The following HDAC9 variants were observed in gnomAD, a reference collection of about 807,000 sequenced individuals.
The protein encoded by HDAC9 is histone deacetylase 9, also known as MEF-2 interacting transcription repressor (MITR) protein.
Under a neutral mutation model 139.4 loss-of-function variants are expected in HDAC9, and 41 were observed. That is an observed-to-expected ratio of 0.29 (90% CI 0.23 to 0.38). The LOEUF is 0.38. Ranked by LOEUF, HDAC9 falls within the 10% of genes least tolerant of loss-of-function variation. The probability of loss-of-function intolerance (pLI) is 1.00; values close to 1 mark genes in which losing one functional copy is unlikely to be tolerated. For missense variants in HDAC9, 1,147 were observed against 1,297.0 expected, an observed-to-expected ratio of 0.88 and a Z score of 1.78; for synonymous variants, 517 against 476.2, an observed-to-expected ratio of 1.09 and a Z score of -1.12.
chr7:18,356,344 AG>A (rs1783270650), intron 1 of HDAC9, among the ~76,000 whole-genome samples: 1 of 128,016 alleles, frequency 7.8e-6, no homozygotes, highest in East Asian at 2.4e-4. Context: ...TAGCCTCTAG[AG>A]GGCAGCACAT....
intron 21 of HDAC9, among the ~76,000 whole-genome samples, chr7:18,837,182 C>T (rs994391697): frequency 6.6e-6 from 1 of 151,306 alleles, no homozygotes; most frequent in Non-Finnish European, 1.5e-5. Context: ...GAAAATTCTA[C>T]CCACATTCTG....
intron 2 of HDAC9, among the ~76,000 whole-genome samples, chr7:18,241,061 G>A (rs1429399406): frequency 6.6e-6 from 1 of 152,276 alleles, no homozygotes; most frequent in East Asian, 1.9e-4. Flanking sequence ...GGGGATTAGG[G>A]CTTCCCAGGT....
intron 2 of HDAC9, among the ~76,000 whole-genome samples, chr7:18,510,835 TTA>T (rs1460049729): frequency 3.3e-5 from 5 of 152,122 alleles, no homozygotes; most frequent in African/African-American, 1.2e-4. Flanking sequence ...AAAATTATCT[TTA>T]TGTGTATGTG....
At chr7:18,229,980 A>G (rs1472161689) in intron 2 of HDAC9, among the ~76,000 whole-genome samples, 2 of 152,206 alleles carry the variant, frequency 1.3e-5, no homozygotes, top group African/African-American at 4.8e-5. Context: ...CTTAAATAAG[A>G]GAGAGAAAAA....
At chr7:18,652,297 C>T (rs1789535918) in intron 11 of HDAC9, among the ~76,000 whole-genome samples, 1 of 151,992 alleles carries the variant, frequency 6.6e-6, no homozygotes. Context: ...TAAAGTAGAA[C>T]TTCCCTCAAA....
intron 2 of HDAC9, among the ~76,000 whole-genome samples, chr7:18,504,575 A>G (rs801759): frequency 0.67 from 102,078 of 152,218 alleles, 34,405 homozygotes; most frequent in Admixed American, 0.73. Context: ...AAACTGCTGG[A>G]ATTATAGGCA....
chr7:18,845,916 T>G (rs1397400505), intron 21 of HDAC9, among the ~76,000 whole-genome samples: 1 of 152,078 alleles, frequency 6.6e-6, no homozygotes. Context: ...TGGAGTCACG[T>G]GCACTGTGGT....
chr7:18,466,535 G>A (rs908359053), intron 1 of HDAC9, among the ~76,000 whole-genome samples: 2 of 152,074 alleles, frequency 1.3e-5, no homozygotes, highest in African/African-American at 4.8e-5. Flanking sequence ...GTAATATTGG[G>A]TAGACGTCCT....
intron 1 of HDAC9, among the ~76,000 whole-genome samples, chr7:18,352,425 G>A (rs2128675719): frequency 6.6e-6 from 1 of 152,244 alleles, no homozygotes; most frequent in Admixed American, 6.5e-5. Flanking sequence ...GACTAAAATT[G>A]CAATGAAGAT....
At chr7:18,810,744 A>AG (rs1794109673) in intron 17 of HDAC9, among the ~76,000 whole-genome samples, 2 of 151,996 alleles carry the variant, frequency 1.3e-5, no homozygotes, top group South Asian at 4.1e-4. Flanking sequence ...CCTATTATAG[A>AG]ACTTTATATA....
Position 18,666,282 on chromosome 7 carries a change from C to G in HDAC9, c.1537C>G (p.Gln513Glu), listed in dbSNP as rs1460453950. Residue 513 changes from glutamine to glutamate, a missense_variant, in exon 12 of 26, where the codon CAG becomes GAG. Gln to Glu is a conservative substitution (Grantham distance 29, BLOSUM62 2). Coordinates refer to ENST00000686413, the MANE Select transcript of HDAC9 (RefSeq NM_178425.4). ...SHLEEAEEEL[Q>E]GDQAMQEDRA... is the part of the protein sequence containing the mutation. The stretch of plus-strand genomic sequence containing the variant: ...CCTTGAGGAAGCAGAGGAAGAGCTT[C>G]AGGGGGACCAGGCGATGCAGGAAGA... The G allele has an allele frequency of 6.2e-7, 1 of 1,613,454 alleles. No homozygotes were observed.
chr7:18,998,164 G>C lies in HDAC9; in HGVS notation c.*2102G>C, dbSNP rs1376169424. On this transcript the variant is annotated 3_prime_UTR_variant, in exon 26 of 26. Transcript: ENST00000686413. ...TCATGTTTTAATTAGAAAAATAATT[G>C]TGTAGTTTTAAAATCAACTTCATAA... The C allele has an allele frequency of 6.6e-6, 1 of 152,116 alleles. No individual in the cohort carries two copies. Among genetic ancestry groups the C allele is most frequent in the Non-Finnish European group, 1.5e-5 (1 of 67,996 alleles). 9.4% of individuals were successfully genotyped at this position (152,116 alleles called of 1,614,324 possible). A position where few individuals can be genotyped will look rare whatever the true frequency, so the allele number is the denominator to read the frequency against.
chr7:18,813,525 CATTT>C (rs1426213322), intron 17 of HDAC9, among the ~76,000 whole-genome samples: 3 of 152,028 alleles, frequency 2.0e-5, no homozygotes, highest in South Asian at 4.1e-4. Context: ...AACAGGGGCA[CATTT>C]ATTTATTTAT....
At chr7:18,636,165 C>G (rs550392135) in intron 8 of HDAC9, among the ~76,000 whole-genome samples, 1 of 151,950 alleles carries the variant, frequency 6.6e-6, no homozygotes, top group Admixed American at 6.6e-5. Context: ...GAAGATAAAG[C>G]CTAGTACCAA....
intron 22 of HDAC9, among the ~76,000 whole-genome samples, chr7:18,904,848 T>G (rs967258117): frequency 6.6e-6 from 1 of 152,020 alleles, no homozygotes; most frequent in South Asian, 2.1e-4. Flanking sequence ...GTGCTGGGAT[T>G]ACAGGCATGA....
intron 2 of HDAC9, among the ~76,000 whole-genome samples, chr7:18,240,300 A>G (rs1366651118): frequency 6.6e-6 from 1 of 151,400 alleles, no homozygotes; most frequent in Non-Finnish European, 1.5e-5. Flanking sequence ...GTAATTTGGG[A>G]TATTTTCTAC....
chr7:18,527,167 A>T (rs1334279370), intron 2 of HDAC9, among the ~76,000 whole-genome samples: 1 of 152,114 alleles, frequency 6.6e-6, no homozygotes, highest in African/African-American at 2.4e-5. Context: ...AAATGGAAGA[A>T]CACTAAGAGA....
chr7:18,620,766 G>A (rs563196972), intron 6 of HDAC9, among the ~76,000 whole-genome samples: 104 of 152,082 alleles, frequency 6.8e-4, no homozygotes, highest in Middle Eastern at 3.4e-3. Context: ...TTACGGCCCC[G>A]ATATTGTCTT....
rs1379341488 is a variant in HDAC9 at position 18,624,094 on chromosome 7, C to G, written c.665-5256C>G. Among the ~76,000 whole-genome samples the G allele has an allele frequency of 3.3e-5, 5 of 152,132 alleles. No homozygotes were observed. In the East Asian group the frequency reaches 9.7e-4, roughly 29 times the overall value. ...TGTACACAGTCACACATATCAATCTCTTAGTAAAATGACAAGTCTGGGCAG... is the reference window on the plus strand; with the variant it reads ...TGTACACAGTCACACATATCAATCTGTTAGTAAAATGACAAGTCTGGGCAG... On this transcript the variant is annotated intron_variant, in intron 6 of 25. Coordinates refer to ENST00000686413, the MANE Select transcript of HDAC9 (RefSeq NM_178425.4).
Sources: gnomAD v4.1 joint callset for allele counts (sites outside exome capture counted in the v4.1 genomes callset) on GRCh38, gnomAD v4.1.1 for gene constraint, MANE v1.5 for transcripts, NCBI Gene and HGNC (gene_info 2026-07-23, HGNC 2026-07-21) for gene names.